Variants in MUC3A observed in about 807,000 individuals in gnomAD.
MUC3A encodes the protein mucin 3A, cell surface associated, also known as mucin-3A.
MUC3A carries 109 observed loss-of-function variants against 109.0 expected under a neutral mutation model. The observed-to-expected ratio is 1.00, with a 90% CI of 0.86 to 1.17. The LOEUF is 1.17. MUC3A is among the 50% of genes most tolerant of loss of function. MUC3A has a pLI of 0.00. For missense variants in MUC3A, 3,537 were observed against 2,469.4 expected, an observed-to-expected ratio of 1.43 and a Z score of -9.16; for synonymous variants, 1,398 against 981.4, an observed-to-expected ratio of 1.42 and a Z score of -7.93.
At chr7:100,966,205 C>T (rs1584813557) in intron 8 of MUC3A, 181 bp from the exon 9 acceptor site, 2 of 364,694 alleles carry the variant, frequency 5.5e-6, no homozygotes, top group Non-Finnish European at 6.9e-6. Context: ...CCCGCCCCCT[C>T]ACCTAGGGTA....
chr7:100,957,957 A>G lies in MUC3A; in HGVS notation c.6178A>G (p.Thr2060Ala). 1.3e-6 allele frequency: 1 copy of G among 784,574 alleles called. No homozygotes were observed. Among genetic ancestry groups the G allele is most frequent in the Non-Finnish European group, 2.3e-6 (1 of 438,288 alleles). The allele number at this position is 784,574 out of a possible 1,614,324, so 48.6% of individuals were successfully genotyped here. Reference protein sequence around the residue: ...ETTSHSTPSFTSLITITEITS... With the variant: ...ETTSHSTPSFASLITITEITS... ...CACATCCCACAGTACTCCCAGCTTCACTTCATTGATCACCATCACCGAGAT... is the reference window on the plus strand; with the variant it reads ...CACATCCCACAGTACTCCCAGCTTCGCTTCATTGATCACCATCACCGAGAT... Residue 2060 changes from threonine (T) to alanine (A), a missense_variant, in exon 2 of 12, where the codon ACT (threonine) becomes GCT (alanine). By Grantham distance (58) the Thr-to-Ala change is moderately conservative. Coordinates refer to ENST00000379458, the MANE Select transcript of MUC3A (RefSeq NM_005960.2).
chr7:100,962,680 T>C (rs1792369002), intron 3 of MUC3A, among the ~76,000 whole-genome samples: 1 of 87,232 alleles, frequency 1.1e-5, no homozygotes, highest in Non-Finnish European at 2.2e-5. Flanking sequence ...CTTTTTTTCT[T>C]TCTCTTTTTC....
chr7:100,963,647 T>C, intron 4 of MUC3A, 41 bp from the exon 5 acceptor site: 9 of 1,598,330 alleles, frequency 5.6e-6, no homozygotes, highest in Non-Finnish European at 7.6e-6. Context: ...CCCTCAGGTC[T>C]GCAGGTTCGG....
rs768626823 is a variant in MUC3A, at chr7:100,966,413, C to A, written c.9639C>A (p.Phe3213Leu). 1.3e-5 allele frequency: 18 copies of A among 1,350,608 alleles called. No individual in the cohort carries two copies. The highest frequency in any genetic ancestry group is 1.6e-5 in the Non-Finnish European group (17 of 1,058,128). 83.7% of individuals were successfully genotyped at this position (1,350,608 alleles called of 1,614,324 possible). ...GCTACTCCACCGACACGCACTGGTT[C>A]TCTGGCCCGCGCTGCGAGGTGGCCG... is the stretch of plus-strand genomic sequence containing the variant. Reference protein sequence around the residue: ...CRCYSTDTHWFSGPRCEVAVH... With the variant: ...CRCYSTDTHWLSGPRCEVAVH... Residue 3213 changes from phenylalanine to leucine, a missense_variant, in exon 9 of 12, where the codon TTC (phenylalanine) becomes TTA (leucine). Coordinates refer to ENST00000379458, the MANE Select transcript of MUC3A (RefSeq NM_005960.2).
At chr7:100,949,824 G>A in intron 1 of MUC3A, 139 bp downstream of exon 1, 1 of 718,744 alleles carries the variant, frequency 1.4e-6, no homozygotes, top group Non-Finnish European at 2.0e-6. Context: ...AGGGAGAACC[G>A]AGGCACGGCC....
At position 100,959,529 on chromosome 7, in the gene MUC3A, C is replaced by A; in HGVS notation, c.7750C>A (p.Leu2584Met). 2 of 1,590,930 alleles carry A rather than the reference C, an allele frequency of 1.3e-6. No individual in the cohort carries two copies. Among genetic ancestry groups the A allele is most frequent in the East Asian group, 2.2e-5 (1 of 44,866 alleles). Reference sequence around the variant, plus strand: ...AACCCCAACACAGACCCCTCCTGTACTGACGTCAGCCACTGGGACCCAAAC... The same window carrying A: ...AACCCCAACACAGACCCCTCCTGTAATGACGTCAGCCACTGGGACCCAAAC... The part of the protein sequence containing the change: ...PETPTQTPPV[L>M]TSATGTQTSP... The change falls in exon 2 of 12, where the codon CTG (leucine) becomes ATG (methionine). Residue 2584 changes from leucine (L) to methionine (M), a missense_variant. Transcript: ENST00000379458.
At chr7:100,966,582 C>G in intron 9 of MUC3A, 23 bp downstream of exon 9, 2 of 1,540,584 alleles carry the variant, frequency 1.3e-6, no homozygotes, top group Non-Finnish European at 1.8e-6. Context: ...GGGGCGGGGC[C>G]GGGGGGCGAG....
Position 100,960,425 on chromosome 7 carries a change from T to A in MUC3A, c.8646T>A (p.Pro2882=), listed in dbSNP as rs1792282052. 1.9e-6 allele frequency: 3 copies of A among 1,598,572 alleles called. No homozygotes were observed. The highest frequency in any genetic ancestry group is 2.7e-5 in the African/African-American group (2 of 75,082). ...WLSNSSVIPL[P]LPGVSTIPLT... is the part of the protein sequence containing the mutation. ...GCAACAGTTCTGTGATCCCCCTACC[T>A]CTTCCTGGCGTCTCTACCATCCCGC... Residue 2882 remains proline, a synonymous_variant, in exon 2 of 12, where the codon CCT becomes CCA. Coordinates refer to ENST00000379458, the MANE Select transcript of MUC3A (RefSeq NM_005960.2).
rs1322848117 is a variant in MUC3A at position 100,965,775 on chromosome 7, C to T, written c.9520C>T (p.Arg3174Cys). Reference protein sequence around the residue: ...YFPLVEATRLRCVTKCTSGVD... With the variant: ...YFPLVEATRLCCVTKCTSGVD... Reference sequence around the variant, plus strand: ...CCCCTTGGTGGAGGCCACCCGGCTCCGCTGTGTCACCAAATGCACGTCGGG... The same window carrying T: ...CCCCTTGGTGGAGGCCACCCGGCTCTGCTGTGTCACCAAATGCACGTCGGG... The change falls in exon 8 of 12, where the codon CGC (arginine) becomes TGC (cysteine). Residue 3174 changes from arginine (R) to cysteine (C), a missense_variant. Transcript: ENST00000379458. 1.9e-6 allele frequency: 3 copies of T among 1,597,976 alleles called. No individual in the cohort carries two copies. Among genetic ancestry groups the T allele is most frequent in the East Asian group, 4.5e-5 (2 of 44,882 alleles).
In MUC3A at chr7:100,964,652, A is replaced by G. The variant is rs4992769; in HGVS notation, c.9234-43A>G. 19 of 1,442,678 alleles carry G rather than the reference A, an allele frequency of 1.3e-5. No individual in the cohort carries two copies. In the South Asian group the frequency reaches 1.4e-4, roughly 10 times the overall value. 89.4% of individuals were successfully genotyped at this position (1,442,678 alleles called of 1,614,324 possible). On this transcript the variant is annotated intron_variant, in intron 5 of 11. Transcript: ENST00000379458. ...TGGAGGTGCCCCTCCAAGGACCCAT[A>G]TGTTCCTGGCTGGGGCACTCTCTAA... is the stretch of plus-strand genomic sequence containing the variant.
In MUC3A at chr7:100,959,172, A is replaced by G. The variant is rs1395250932; in HGVS notation, c.7393A>G (p.Thr2465Ala). The change falls in exon 2 of 12, where the codon ACC becomes GCC. Residue 2465 changes from threonine to alanine, a missense_variant. Physicochemically the swap from Thr to Ala is moderately conservative, Grantham distance 58 (BLOSUM62 0). Transcript: ENST00000379458. ...AACTGCCATCACCTCACATTTTACT[A>G]CCTCAGAGACTGCGGTGACTCCCAC... ...STTAITSHFT[T>A]SETAVTPTPV... The G allele has an allele frequency of 1.9e-6, 3 of 1,598,118 alleles. No homozygotes were observed. Among genetic ancestry groups the G allele is most frequent in the Admixed American group, 1.7e-5 (1 of 59,964 alleles).
Position 100,960,304 on chromosome 7 carries a change from TCTC to T in MUC3A, c.8526_8528del (p.Ser2843del). 6.3e-7 allele frequency: 1 copy of T among 1,598,548 alleles called. No individual in the cohort carries two copies. Among genetic ancestry groups the T allele is most frequent in the Non-Finnish European group, 8.5e-7 (1 of 1,179,826 alleles). On this transcript the variant is annotated inframe_deletion, in exon 2 of 12. Transcript: ENST00000379458. ...ATGATGCCAGAAAGTGAGTCCAGCATCTCACCCAATGCTTCCAGTTCCACTGGC... is the reference window on the plus strand; with the variant it reads ...ATGATGCCAGAAAGTGAGTCCAGCATACCCAATGCTTCCAGTTCCACTGGC...
chr7:100,957,070 C>T lies in MUC3A; in HGVS notation c.5291C>T (p.Thr1764Ile). ...KTAVSSTPPI[T>I]SSITSTYTVT... The stretch of plus-strand genomic sequence containing the variant: ...GCCGTGAGTTCTACTCCCCCCATCA[C>T]TTCTTCAATCACCTCCACATATACG... Residue 1764 changes from threonine (T) to isoleucine (I), a missense_variant, in exon 2 of 12, where the codon ACT becomes ATT. By Grantham distance (89) the Thr-to-Ile change is moderately conservative. Transcript: ENST00000379458. The T allele has an allele frequency of 2.1e-6, 1 of 470,890 alleles. No homozygotes were observed. The highest frequency in any genetic ancestry group is 3.3e-5 in the Admixed American group (1 of 29,868). 29.2% of individuals were successfully genotyped at this position (470,890 alleles called of 1,614,324 possible).
chr7:100,963,851 A>G, intron 5 of MUC3A, 99 bp downstream of exon 5: 3 of 1,536,946 alleles, frequency 2.0e-6, no homozygotes, highest in Non-Finnish European at 2.6e-6. Context: ...CAGATTTTAT[A>G]AAGAGGGGTG....
rs750806207 is a variant in MUC3A, at chr7:100,952,140, G to A, written c.361G>A (p.Val121Ile). The A allele has an allele frequency of 3.1e-6, 5 of 1,598,546 alleles. No individual in the cohort carries two copies. The highest frequency in any genetic ancestry group is 3.4e-6 in the Non-Finnish European group (4 of 1,179,756). Residue 121 changes from valine (V) to isoleucine (I), a missense_variant, in exon 2 of 12, where the codon GTC becomes ATC. Coordinates refer to ENST00000379458, the MANE Select transcript of MUC3A (RefSeq NM_005960.2). ...KVETTPPTVL[V>I]YSATTECVYP... ...TGAAACCACTCCACCCACCGTGTTG[G>A]TCTATTCAGCCACCACTGAGTGCGT...
rs1470925302 is a variant in MUC3A, at chr7:100,951,839, A to G, written c.62-2A>G. ...GATTCCTCTGCTCTGCCGCCAATGC[A>G]GGAACTTTATCCACGGCCACATCCA... On this transcript the variant is annotated splice_acceptor_variant, in intron 1 of 11. Transcript: ENST00000379458. LOFTEE classifies it high-confidence loss of function. 1.9e-6 allele frequency: 3 copies of G among 1,595,404 alleles called. No individual in the cohort carries two copies. The highest frequency in any genetic ancestry group is 2.7e-5 in the African/African-American group (2 of 74,898).
Position 100,960,564 on chromosome 7 carries a change from A to G in MUC3A, c.8785A>G (p.Thr2929Ala). The stretch of plus-strand genomic sequence containing the variant: ...AGAGACACCAGTGGCCACTACCCAG[A>G]CTCCTACCACCCTTACATCACGCAG... ...TSETPVATTQ[T>A]PTTLTSRRTT... The change falls in exon 2 of 12, where the codon ACT becomes GCT. Residue 2929 changes from threonine to alanine, a missense_variant. Transcript: ENST00000379458. 1.3e-6 allele frequency: 2 copies of G among 1,598,724 alleles called. No individual in the cohort carries two copies. The highest frequency in any genetic ancestry group is 1.7e-6 in the Non-Finnish European group (2 of 1,179,822).
chr7:100,966,972 A>G (rs781571211), intron 11 of MUC3A, 21 bp downstream of exon 11: 2 of 1,598,384 alleles, frequency 1.3e-6, no homozygotes, highest in East Asian at 2.2e-5. Flanking sequence ...AAAGAGGGGG[A>G]CCCCAAGGAA....
Position 100,957,748 on chromosome 7 carries a change from C to G in MUC3A, c.5969C>G (p.Pro1990Arg). The stretch of plus-strand genomic sequence containing the variant: ...ACCAAGACCACCTCACACAGTACTC[C>G]CAGCTACACTTCTTTGATCACCACA... ...TTTKTTSHST[P>R]SYTSLITTTT... Residue 1990 changes from proline to arginine, a missense_variant, in exon 2 of 12, where the codon CCC becomes CGC. By Grantham distance (103) the Pro-to-Arg change is moderately radical. Coordinates refer to ENST00000379458, the MANE Select transcript of MUC3A (RefSeq NM_005960.2). 1.5e-6 allele frequency: 2 copies of G among 1,345,906 alleles called. No individual in the cohort carries two copies. Among genetic ancestry groups the G allele is most frequent in the Admixed American group, 3.6e-5 (2 of 55,694 alleles). 83.4% of individuals were successfully genotyped at this position (1,345,906 alleles called of 1,614,324 possible).
Sources: allele counts gnomAD v4.1 joint callset (sites outside exome capture counted in the v4.1 genomes callset), GRCh38; gene constraint gnomAD v4.1.1; transcripts MANE v1.5; gene names NCBI Gene and HGNC (gene_info 2026-07-23, HGNC 2026-07-21).